ANO6: variants seen among roughly 807,000 people sequenced by gnomAD.
ANO6 encodes the protein anoctamin 6.
In ANO6, 106 loss-of-function variants were observed where a neutral mutation model predicts 117.5. That is an observed-to-expected ratio of 0.90 (90% CI 0.77 to 1.06). The LOEUF is 1.06. ANO6 is among the 50% of genes least tolerant of loss of function. The pLI, the probability that ANO6 is intolerant of heterozygous loss-of-function variation, is 0.00. For missense variants in ANO6, 955 were observed against 1,121.1 expected, an observed-to-expected ratio of 0.85 and a Z score of 2.12; for synonymous variants, 367 against 385.1, an observed-to-expected ratio of 0.95 and a Z score of 0.55.
intron 12 of ANO6, among the ~76,000 whole-genome samples, chr12:45,392,939 C>G (rs1375164418): frequency 1.3e-5 from 2 of 152,208 alleles, no homozygotes; most frequent in African/African-American, 2.4e-5. Context: ...ATCTCTTCCC[C>G]TCCAGAGGAT....
chr12:45,279,401 AT>A (rs1285326205), intron 1 of ANO6, among the ~76,000 whole-genome samples: 1 of 152,068 alleles, frequency 6.6e-6, no homozygotes, highest in African/African-American at 2.4e-5. Flanking sequence ...CTCCTCCTCT[AT>A]TTTCTTTGTC....
intron 19 of ANO6, among the ~76,000 whole-genome samples, chr12:45,425,428 A>G (rs1227697480): frequency 5.3e-5 from 8 of 152,250 alleles, no homozygotes; most frequent in African/African-American, 1.9e-4. Flanking sequence ...AAAGAAATCC[A>G]CTTACACATA....
At chr12:45,351,498 A>G (rs1593001436) in intron 7 of ANO6, among the ~76,000 whole-genome samples, 7 of 152,230 alleles carry the variant, frequency 4.6e-5, no homozygotes, top group Non-Finnish European at 4.4e-5. Context: ...CCAATAAAAC[A>G]TGAAAATAAA....
chr12:45,424,037 T>A (rs891740219), intron 19 of ANO6, among the ~76,000 whole-genome samples: 71 of 151,620 alleles, frequency 4.7e-4, no homozygotes, highest in East Asian at 3.1e-3. Flanking sequence ...TTTTTTTTTT[T>A]AAATAGCTAC....
intron 1 of ANO6, among the ~76,000 whole-genome samples, chr12:45,240,209 G>A (rs958043356): frequency 6.6e-6 from 1 of 152,078 alleles, no homozygotes. Context: ...GGGTGCTCCT[G>A]TATTGGGTGC....
chr12:45,284,086 G>A (rs187659994), intron 1 of ANO6, among the ~76,000 whole-genome samples: 2 of 152,306 alleles, frequency 1.3e-5, no homozygotes, highest in African/African-American at 2.4e-5. Context: ...AAGATACAGG[G>A]GAAATTGTCC....
chr12:45,364,089 T>G (rs1192550377), intron 8 of ANO6, among the ~76,000 whole-genome samples: 1 of 152,238 alleles, frequency 6.6e-6, no homozygotes, highest in African/African-American at 2.4e-5. Flanking sequence ...TGGTTGACAG[T>G]CTTTCTTTCA....
chr12:45,348,514 T>C lies in ANO6; in HGVS notation c.634-4T>C. 6.2e-7 allele frequency: 1 copy of C among 1,612,040 alleles called. No individual in the cohort carries two copies. Among genetic ancestry groups the C allele is most frequent in the Non-Finnish European group, 8.5e-7 (1 of 1,178,168 alleles). On this transcript the variant is annotated splice_polypyrimidine_tract_variant and splice_region_variant and intron_variant, in intron 5 of 19. Coordinates refer to ENST00000320560, the MANE Select transcript of ANO6 (RefSeq NM_001025356.3). ...CCGCATACTCTATTTTGGAATCTTT[T>C]TAGGTTTACTTCATCCTCTCTCGGG...
chr12:45,423,009 A>T lies in ANO6; in HGVS notation c.2473A>T (p.Ile825Phe), dbSNP rs777932727. The T allele has an allele frequency of 1.2e-6, 2 of 1,614,144 alleles. No homozygotes were observed. Among genetic ancestry groups the T allele is most frequent in the East Asian group, 4.5e-5 (2 of 44,886 alleles). The change falls in exon 19 of 20, where the codon ATC (isoleucine) becomes TTC (phenylalanine). Residue 825 changes from isoleucine to phenylalanine, a missense_variant. Transcript: ENST00000320560. ...ACACCCCCAGGAGTATAAACACAAC[A>T]TCTACTATTGGCATGTGATTGCAGC... is the stretch of plus-strand genomic sequence containing the variant. ...PGHPQEYKHNIYYWHVIAAKL... is the reference protein window; with the variant it reads ...PGHPQEYKHNFYYWHVIAAKL...
chr12:45,368,270 G>A (rs1274610790), intron 9 of ANO6, among the ~76,000 whole-genome samples: 1 of 152,106 alleles, frequency 6.6e-6, no homozygotes, highest in Non-Finnish European at 1.5e-5. Context: ...TGAACATTAT[G>A]TCAGTACTCA....
At chr12:45,325,163 A>G (rs1940418474) in intron 2 of ANO6, among the ~76,000 whole-genome samples, 1 of 152,248 alleles carries the variant, frequency 6.6e-6, no homozygotes, top group Non-Finnish European at 1.5e-5. Context: ...GTGAAAGTTC[A>G]CTAAATCATA....
chr12:45,383,137 TA>T, intron 10 of ANO6: 1 of 221,266 alleles, frequency 4.5e-6, no homozygotes, highest in South Asian at 8.1e-5. Flanking sequence ...GTCGTTTCAG[TA>T]ATGACAGCAT....
At chr12:45,317,692 G>A (rs913085390) in intron 2 of ANO6, among the ~76,000 whole-genome samples, 21 of 152,028 alleles carry the variant, frequency 1.4e-4, no homozygotes, top group African/African-American at 3.4e-4. Context: ...CTGAGGAATC[G>A]CCACACTGAC....
chr12:45,402,838 G>A (rs556210904), intron 13 of ANO6, among the ~76,000 whole-genome samples: 3 of 152,294 alleles, frequency 2.0e-5, no homozygotes, highest in East Asian at 1.9e-4. Context: ...TGTGGGGCAG[G>A]GGGGAACATG....
At chr12:45,267,972 C>T (rs1938275555) in intron 1 of ANO6, among the ~76,000 whole-genome samples, 1 of 152,190 alleles carries the variant, frequency 6.6e-6, no homozygotes, top group African/African-American at 2.4e-5. Flanking sequence ...TCTCTCCCAA[C>T]CCTCTCCTAT....
chr12:45,253,377 G>A (rs527697438), intron 1 of ANO6, among the ~76,000 whole-genome samples: 66 of 152,260 alleles, frequency 4.3e-4, no homozygotes, highest in South Asian at 1.0e-3. Flanking sequence ...ATTCTTAAAT[G>A]TATAAAGTTA....
At chr12:45,369,109 T>C (rs1941758968) in intron 9 of ANO6, among the ~76,000 whole-genome samples, 2 of 152,218 alleles carry the variant, frequency 1.3e-5, no homozygotes, top group African/African-American at 4.8e-5. Flanking sequence ...GTTAAGCTGA[T>C]TGCAGGGTGT....
At chr12:45,384,187 C>T (rs565902046) in intron 10 of ANO6, among the ~76,000 whole-genome samples, 75 of 152,334 alleles carry the variant, frequency 4.9e-4, no homozygotes, top group African/African-American at 1.7e-3. Flanking sequence ...CCTCACCTCT[C>T]TCAGCCTTCA....
chr12:45,242,794 T>A (rs1947766488), intron 1 of ANO6, among the ~76,000 whole-genome samples: 1 of 152,260 alleles, frequency 6.6e-6, no homozygotes, highest in Non-Finnish European at 1.5e-5. Context: ...AGTGGTTTTT[T>A]CTTTTTTCTT....
Sources: allele counts gnomAD v4.1 joint callset (sites outside exome capture counted in the v4.1 genomes callset), GRCh38; gene constraint gnomAD v4.1.1; transcripts MANE v1.5; gene names NCBI Gene and HGNC (gene_info 2026-07-23, HGNC 2026-07-21).